The following FGF14 variants were observed in gnomAD, a reference collection of about 807,000 sequenced individuals.
FGF14 encodes fibroblast growth factor 14, also known as fibroblast growth factor homologous factor 4.
Under a neutral mutation model 25.5 loss-of-function variants are expected in FGF14, and 5 were observed. That is an observed-to-expected ratio of 0.20 (90% CI 0.10 to 0.41). The LOEUF is 0.41. Ranked by LOEUF, FGF14 falls within the 10% of genes least tolerant of loss-of-function variation. FGF14 has a pLI of 1.00. For missense variants in FGF14, 222 were observed against 320.1 expected (o/e 0.69, Z 2.34); for synonymous variants, 138 against 118.3 (o/e 1.17, Z -1.08).
At chr13:101,738,227 C>T (rs1006010558) in intron 3 of FGF14, among the ~76,000 whole-genome samples, 1 of 152,080 alleles carries the variant, frequency 6.6e-6, no homozygotes, top group African/African-American at 2.4e-5. Flanking sequence ...TGATATTTCA[C>T]CTACATCATG....
intron 1 of FGF14, among the ~76,000 whole-genome samples, chr13:102,140,640 A>C (rs976479182): frequency 6.6e-6 from 1 of 152,192 alleles, no homozygotes; most frequent in African/African-American, 2.4e-5. Flanking sequence ...TGATACCTCT[A>C]AATAGGGATA....
At position 101,715,544 on chromosome 13, in the gene FGF14, T is replaced by C. The variant is rs1455080534; in HGVS notation, c.*7287A>G. ...ACATTTTGATCATAATCATGATACC[T>C]ATATGTATTTTATTGCAGGGAATGG... On this transcript the variant is annotated 3_prime_UTR_variant, in exon 5 of 5. Transcript: ENST00000376143. 1.9e-6 allele frequency: 3 copies of C among 1,542,164 alleles called. No individual in the cohort carries two copies. The highest frequency in any genetic ancestry group is 1.1e-5 in the South Asian group (1 of 89,680).
At chr13:101,768,134 T>C (rs942478873) in intron 3 of FGF14, among the ~76,000 whole-genome samples, 5 of 152,126 alleles carry the variant, frequency 3.3e-5, no homozygotes, top group African/African-American at 1.2e-4. Flanking sequence ...AAAATATCTA[T>C]TATTTTAAAA....
upstream of FGF14, among the ~76,000 whole-genome samples, chr13:101,919,916 A>C (rs1048602757): frequency 5.3e-5 from 8 of 152,114 alleles, no homozygotes; most frequent in African/African-American, 1.9e-4. Flanking sequence ...GTCTCCGGGC[A>C]TCTATTCTGG....
intron 1 of FGF14, among the ~76,000 whole-genome samples, chr13:102,273,967 GA>G (rs1216498272): frequency 6.9e-6 from 1 of 145,934 alleles, no homozygotes. Context: ...AAGGAAGAAA[GA>G]AGTCTCAAAA....
chr13:102,018,270 G>A (rs1338258688), intron 1 of FGF14, among the ~76,000 whole-genome samples: 1 of 152,052 alleles, frequency 6.6e-6, no homozygotes, highest in Non-Finnish European at 1.5e-5. Flanking sequence ...CCTGGGTTTT[G>A]TACACCACCT....
In FGF14 at chr13:101,715,607, T is replaced by C; in HGVS notation, c.*7224A>G. 6.2e-7 allele frequency: 1 copy of C among 1,613,460 alleles called. No homozygotes were observed. Among genetic ancestry groups the C allele is most frequent in the Non-Finnish European group, 8.5e-7 (1 of 1,179,468 alleles). On this transcript the variant is annotated 3_prime_UTR_variant, in exon 5 of 5. Transcript: ENST00000376143. ...TGGAAACTGTGAATGCTGGGATGGA[T>C]GGAATGGAAATGCATGTGAAATCTG... is the stretch of plus-strand genomic sequence containing the variant.
chr13:102,205,700 G>A (rs2049875232), intron 1 of FGF14, among the ~76,000 whole-genome samples: 1 of 148,938 alleles, frequency 6.7e-6, no homozygotes, highest in Admixed American at 6.7e-5. Flanking sequence ...AAACATGAAA[G>A]CATTTTGCCA....
intron 1 of FGF14, among the ~76,000 whole-genome samples, chr13:102,347,323 T>A (rs946947549): frequency 6.6e-6 from 1 of 152,156 alleles, no homozygotes; most frequent in African/African-American, 2.4e-5. Flanking sequence ...GTATTGCTAA[T>A]AATTAAATAA....
intron 1 of FGF14, among the ~76,000 whole-genome samples, chr13:102,344,251 C>T (rs2057037480): frequency 6.6e-6 from 1 of 152,130 alleles, no homozygotes; most frequent in Non-Finnish European, 1.5e-5. Context: ...AAGAGAGATA[C>T]TGTCAAAATG....
chr13:102,016,660 T>C (rs879834873), intron 1 of FGF14, among the ~76,000 whole-genome samples: 1 of 152,152 alleles, frequency 6.6e-6, no homozygotes, highest in African/African-American at 2.4e-5. Flanking sequence ...CTTCCTCTTT[T>C]TGTATTTTTT....
At chr13:101,905,344 C>T (rs945564275) in intron 1 of FGF14, among the ~76,000 whole-genome samples, 11 of 152,198 alleles carry the variant, frequency 7.2e-5, no homozygotes, top group African/African-American at 2.7e-4. Context: ...AAATGTGGCA[C>T]ATATACGCCA....
At chr13:102,300,564 C>A (rs2054979389) in intron 1 of FGF14, among the ~76,000 whole-genome samples, 1 of 152,040 alleles carries the variant, frequency 6.6e-6, no homozygotes, top group Non-Finnish European at 1.5e-5. Flanking sequence ...TCTCCCTGGC[C>A]CCTCATCTCT....
chr13:101,722,178 A>G lies in FGF14; in HGVS notation c.*653T>C, dbSNP rs1248912233. 6.0e-6 allele frequency: 1 copy of G among 166,210 alleles called. No individual in the cohort carries two copies. Among genetic ancestry groups the G allele is most frequent in the African/African-American group, 2.4e-5 (1 of 41,504 alleles). 10.3% of individuals were successfully genotyped at this position (166,210 alleles called of 1,614,324 possible). ...CAGAGCGTATATGTGTGTTTAATCGATAGTGTGAGCCAGAGACAACAATCT... is the reference window on the plus strand; with the variant it reads ...CAGAGCGTATATGTGTGTTTAATCGGTAGTGTGAGCCAGAGACAACAATCT... On this transcript the variant is annotated 3_prime_UTR_variant, in exon 5 of 5. Transcript: ENST00000376143.
chr13:101,868,190 G>A (rs1459942834), intron 3 of FGF14, among the ~76,000 whole-genome samples: 4 of 152,112 alleles, frequency 2.6e-5, no homozygotes, highest in Admixed American at 6.6e-5. Flanking sequence ...CAAATCGGTT[G>A]TAAATAGAAA....
chr13:102,358,899 G>A (rs1182444594), intron 1 of FGF14, among the ~76,000 whole-genome samples: 1 of 152,082 alleles, frequency 6.6e-6, no homozygotes, highest in African/African-American at 2.4e-5. Flanking sequence ...ATTCATAATA[G>A]TGAATACATG....
chr13:102,191,410 CCT>C (rs141917284), intron 1 of FGF14, among the ~76,000 whole-genome samples: 194 of 152,258 alleles, frequency 1.3e-3, no homozygotes, highest in African/African-American at 4.6e-3. Context: ...TTTTGTAAAG[CCT>C]CTTTTTCAGG....
chr13:102,313,264 C>G (rs1327295299), intron 1 of FGF14, among the ~76,000 whole-genome samples: 1 of 152,208 alleles, frequency 6.6e-6, no homozygotes, highest in Non-Finnish European at 1.5e-5. Flanking sequence ...TGGAAGCACT[C>G]ACACACAGGG....
chr13:102,319,558 T>C (rs933624911), intron 1 of FGF14, among the ~76,000 whole-genome samples: 1 of 152,204 alleles, frequency 6.6e-6, no homozygotes, highest in Non-Finnish European at 1.5e-5. Flanking sequence ...GGCCACCAAT[T>C]GCATACAATA....
Sources: gnomAD v4.1 joint callset for allele counts (sites outside exome capture counted in the v4.1 genomes callset) on GRCh38, gnomAD v4.1.1 for gene constraint, MANE v1.5 for transcripts, NCBI Gene and HGNC (gene_info 2026-07-23, HGNC 2026-07-21) for gene names.